Variants in ZNF425 observed in about 807,000 individuals in gnomAD.
The protein encoded by ZNF425 is zinc finger protein 425.
Under a neutral mutation model 17.0 loss-of-function variants are expected in ZNF425, and 21 were observed. That is an observed-to-expected ratio of 1.23 (90% CI 0.88 to 1.78). ZNF425 has a LOEUF of 1.78. Among genes scored for constraint, ZNF425 ranks in the 40% most tolerant of loss-of-function variants. The pLI, the probability that ZNF425 is intolerant of heterozygous loss-of-function variation, is 0.00. For missense variants in ZNF425, 868 were observed against 967.3 expected (o/e 0.90, Z 1.36); for synonymous variants, 433 against 384.1 (o/e 1.13, Z -1.49).
chr7:149,120,869 C>A (rs967991810), intron 1 of ZNF425, among the ~76,000 whole-genome samples: 2 of 152,108 alleles, frequency 1.3e-5, no homozygotes, highest in African/African-American at 2.4e-5. Context: ...TAGCCATTCA[C>A]CTACTGAGAA....
chr7:149,124,340 A>G (rs191071640), intron 1 of ZNF425, among the ~76,000 whole-genome samples: 82 of 149,252 alleles, frequency 5.5e-4, no homozygotes, highest in African/African-American at 1.9e-3. Flanking sequence ...TAATTTTAGT[A>G]GAGAGGGAGT....
At chr7:149,111,676 A>G (rs936542449) in intron 3 of ZNF425, among the ~76,000 whole-genome samples, 1 of 149,382 alleles carries the variant, frequency 6.7e-6, no homozygotes, top group Admixed American at 6.7e-5. Context: ...ACAGTCTCAC[A>G]TTTGCTACCC....
Position 149,112,017 on chromosome 7 carries a change from A to G in ZNF425, c.304+120T>C, listed in dbSNP as rs989736125. ...ACCCTCTTGAGTAAAGAAAACTAAC[A>G]TTCTCCATCAAAACAACTTTTTTTA... On this transcript the variant is annotated intron_variant, in intron 3 of 3. Transcript: ENST00000378061. 9 of 1,038,628 alleles carry G rather than the reference A, an allele frequency of 8.7e-6. No homozygotes were observed. The Admixed American group carries it at 1.0e-4, about 12-fold the overall frequency. 64.3% of individuals were successfully genotyped at this position (1,038,628 alleles called of 1,614,324 possible).
At chr7:149,109,448 C>T (rs1332981617) in intron 3 of ZNF425, among the ~76,000 whole-genome samples, 3 of 152,156 alleles carry the variant, frequency 2.0e-5, no homozygotes, top group Non-Finnish European at 4.4e-5. Context: ...ATGACCCCTA[C>T]TGATTCTTCT....
At chr7:149,119,377 C>T (rs149052271) in intron 1 of ZNF425, among the ~76,000 whole-genome samples, 208 of 152,198 alleles carry the variant, frequency 1.4e-3, no homozygotes, top group African/African-American at 4.9e-3. Context: ...CGAGCCACTA[C>T]GCCTGGCCCA....
At chr7:149,121,814 A>G (rs1015648446) in intron 1 of ZNF425, among the ~76,000 whole-genome samples, 2 of 152,134 alleles carry the variant, frequency 1.3e-5, no homozygotes, top group African/African-American at 2.4e-5. Flanking sequence ...TGTGGCTTTA[A>G]TTTGGTTTTC....
chr7:149,120,966 T>C (rs1171946936), intron 1 of ZNF425, among the ~76,000 whole-genome samples: 1 of 150,050 alleles, frequency 6.7e-6, no homozygotes, highest in South Asian at 2.2e-4. Flanking sequence ...TGTTTTTATT[T>C]TTCTGGGGTA....
At chr7:149,107,876 A>ATTTTT (rs1554456245) in intron 3 of ZNF425, among the ~76,000 whole-genome samples, 2 of 149,156 alleles carry the variant, frequency 1.3e-5, no homozygotes, top group Non-Finnish European at 3.0e-5. Context: ...TTATTTATTT[A>ATTTTT]TTTTTGAGCT....
In ZNF425 at chr7:149,112,220, C is replaced by T. The variant is rs1563146691; in HGVS notation, c.221G>A (p.Cys74Tyr). ...GRMLLISEQG[C>Y]LDKTRRTTSP... Reference sequence around the variant, plus strand: ...AGTTGTCCTTCTTGTTTTATCTAAGCATCCCTGTTCGCTGATTAATAGCAT... The same window carrying T: ...AGTTGTCCTTCTTGTTTTATCTAAGTATCCCTGTTCGCTGATTAATAGCAT... The change falls in exon 3 of 4, where the codon TGC (cysteine) becomes TAC (tyrosine). Residue 74 changes from cysteine to tyrosine, a missense_variant. This residue lies in a region of ZNF425 where 179 missense variants were observed against 216.3 expected (regional missense o/e 0.83). Transcript: ENST00000378061. 1 of 1,614,108 alleles carries T rather than the reference C, an allele frequency of 6.2e-7. No homozygotes were observed. Among genetic ancestry groups the T allele is most frequent in the Non-Finnish European group, 8.5e-7 (1 of 1,179,954 alleles).
At chr7:149,124,833 G>A (rs1826430460) in intron 1 of ZNF425, among the ~76,000 whole-genome samples, 1 of 152,208 alleles carries the variant, frequency 6.6e-6, no homozygotes, top group African/African-American at 2.4e-5. Context: ...GAGCCACCAC[G>A]CCCGGCCACC....
chr7:149,126,321 G>T lies in ZNF425; in HGVS notation c.-108C>A. 1.4e-6 allele frequency: 2 copies of T among 1,479,518 alleles called. 1 individual carries two copies. Among genetic ancestry groups the T allele is most frequent in the South Asian group, 2.7e-5 (2 of 74,144 alleles). 91.6% of individuals were successfully genotyped at this position (1,479,518 alleles called of 1,614,324 possible). A position where few individuals can be genotyped will look rare whatever the true frequency, so the allele number is the denominator to read the frequency against. ...GGCCCCCAAAGGCAGAGCCGGCCGG[G>T]CGCGGTGCATGCTGGGACTCGGCGC... On this transcript the variant is annotated 5_prime_UTR_variant, in exon 1 of 4. Transcript: ENST00000378061.
At position 149,112,187 on chromosome 7, in the gene ZNF425, G is replaced by C; in HGVS notation, c.254C>G (p.Pro85Arg). The C allele has an allele frequency of 1.2e-6, 2 of 1,614,086 alleles. No individual in the cohort carries two copies. Among genetic ancestry groups the C allele is most frequent in the Admixed American group, 1.7e-5 (1 of 59,996 alleles). Residue 85 changes from proline to arginine, a missense_variant, in exon 3 of 4, where the codon CCT (proline) becomes CGT (arginine). By Grantham distance (103) the Pro-to-Arg change is moderately radical (BLOSUM62 -2). Coordinates refer to ENST00000378061, the MANE Select transcript of ZNF425 (RefSeq NM_001001661.3). Reference sequence around the variant, plus strand: ...CTTCATGTTCAACTGTTCATCAGTAGGAGGGCTAGTTGTCCTTCTTGTTTT... The same window carrying C: ...CTTCATGTTCAACTGTTCATCAGTACGAGGGCTAGTTGTCCTTCTTGTTTT... ...LDKTRRTTSPPTDEQLNMKNT... is the reference protein window; with the variant it reads ...LDKTRRTTSPRTDEQLNMKNT...
At position 149,126,274 on chromosome 7, in the gene ZNF425, A is replaced by C. The variant is rs10251621; in HGVS notation, c.-61T>G. On this transcript the variant is annotated 5_prime_UTR_variant, in exon 1 of 4. Coordinates refer to ENST00000378061, the MANE Select transcript of ZNF425 (RefSeq NM_001001661.3). ...CCTCCCCTCCGCTCCGCCCCAACCCAACTCCCAGGTACAGCCCTGCTGGCC... is the reference window on the plus strand; with the variant it reads ...CCTCCCCTCCGCTCCGCCCCAACCCCACTCCCAGGTACAGCCCTGCTGGCC... The C allele has an allele frequency of 1.9e-6, 3 of 1,583,748 alleles. No homozygotes were observed. The highest frequency in any genetic ancestry group is 1.8e-5 in the Admixed American group (1 of 55,642).
At chr7:149,114,554 T>C (rs1158900588) in intron 2 of ZNF425, among the ~76,000 whole-genome samples, 2 of 151,326 alleles carry the variant, frequency 1.3e-5, no homozygotes, top group Non-Finnish European at 2.9e-5. Flanking sequence ...TGCGCCACCA[T>C]GCCCGGCTAA....
chr7:149,103,909 T>A lies in ZNF425; in HGVS notation c.1962A>T (p.Thr654=). The change falls in exon 4 of 4, where the codon ACA becomes ACT. Residue 654 remains threonine, a synonymous_variant. Coordinates refer to ENST00000378061, the MANE Select transcript of ZNF425 (RefSeq NM_001001661.3). ...CCCCGCTGTGGACTCGAATGTGTTC[T>A]GTGAGCCGGTACTGTTGAGTGAAAC... ...GKSFTQQYRL[T]EHIRVHSGEK... is the part of the protein sequence containing the mutation. 6.2e-7 allele frequency: 1 copy of A among 1,613,854 alleles called. No individual in the cohort carries two copies. Among genetic ancestry groups the A allele is most frequent in the Non-Finnish European group, 8.5e-7 (1 of 1,179,944 alleles).
At position 149,103,719 on chromosome 7, in the gene ZNF425, C is replaced by T. The variant is rs751389281; in HGVS notation, c.2152G>A (p.Gly718Arg). ...SLKAHLCLHSGERPFSCDECG... is the reference protein window; with the variant it reads ...SLKAHLCLHSRERPFSCDECG... Reference sequence around the variant, plus strand: ...TCATCACAAGAAAAAGGCCTCTCCCCACTGTGAAGGCACAGATGGGCCTTC... The same window carrying T: ...TCATCACAAGAAAAAGGCCTCTCCCTACTGTGAAGGCACAGATGGGCCTTC... Residue 718 changes from glycine (G) to arginine (R), a missense_variant, in exon 4 of 4, where the codon GGG (glycine) becomes AGG (arginine). Physicochemically the swap from Gly to Arg is moderately radical, Grantham distance 125. This residue lies in a region of ZNF425 where 437 missense variants were observed against 444.2 expected (regional missense o/e 0.98). Transcript: ENST00000378061. 3 of 1,614,226 alleles carry T rather than the reference C, an allele frequency of 1.9e-6. No homozygotes were observed. The highest frequency in any genetic ancestry group is 2.2e-5 in the East Asian group (1 of 44,886).
chr7:149,105,274 G>A lies in ZNF425; in HGVS notation c.597C>T (p.Phe199=), dbSNP rs1025591167. 6.8e-6 allele frequency: 11 copies of A among 1,614,048 alleles called. No homozygotes were observed. The African/African-American group carries it at 1.5e-4, about 22-fold the overall frequency. ...GCTTTAGCAAATCCCTCCTTACTTG[G>A]AAGACTTTCCTACAGACATAGCAGG... ...CYSCYVCRKV[F]QVRRDLLKHK... is the part of the protein sequence containing the mutation. Residue 199 remains phenylalanine, a synonymous_variant, in exon 4 of 4, where the codon TTC becomes TTT. Transcript: ENST00000378061.
intron 3 of ZNF425, among the ~76,000 whole-genome samples, chr7:149,107,558 C>T (rs550578445): frequency 9.9e-5 from 15 of 151,932 alleles, no homozygotes; most frequent in African/African-American, 2.4e-4. Context: ...AGGATGGTCT[C>T]GATCTCCTGA....
intron 2 of ZNF425, among the ~76,000 whole-genome samples, chr7:149,115,632 G>A (rs1464204584): frequency 6.6e-6 from 1 of 151,236 alleles, no homozygotes; most frequent in Non-Finnish European, 1.5e-5. Context: ...AGAGGTTGTA[G>A]TGAGCCGAGA....
Sources: gnomAD v4.1 joint callset for allele counts (sites outside exome capture counted in the v4.1 genomes callset) on GRCh38, gnomAD v4.1.1 for gene constraint, gnomAD v4.1.1 regional missense constraint, MANE v1.5 for transcripts, NCBI Gene and HGNC (gene_info 2026-07-23, HGNC 2026-07-21) for gene names.